Variants in KHDRBS2 observed in about 807,000 individuals in gnomAD.
The protein encoded by KHDRBS2 is KH domain-containing, RNA-binding, signal transduction-associated protein 2.
KHDRBS2 carries 26 observed loss-of-function variants against 44.3 expected under a neutral mutation model. The observed-to-expected ratio is 0.59, with a 90% CI of 0.43 to 0.81. The LOEUF (loss-of-function observed/expected upper bound fraction) is 0.81. Among genes scored for constraint, KHDRBS2 ranks in the 40% least tolerant of loss-of-function variants. The probability of loss-of-function intolerance (pLI) is 0.00; values close to 1 mark genes in which losing one functional copy is unlikely to be tolerated. For synonymous variants in KHDRBS2, 194 were observed against 151.1 expected, an observed-to-expected ratio of 1.28 and a Z score of -2.08; for missense variants, 476 against 433.1, an observed-to-expected ratio of 1.10 and a Z score of -0.88.
In KHDRBS2 at chr6:62,260,452, T is replaced by C. The variant is rs140750778; in HGVS notation, c.91+25406A>G. On this transcript the variant is annotated intron_variant, in intron 1 of 8. Transcript: ENST00000281156. ...TGTGTTTAGACTAAATGGAACACAG[T>C]GGCAGCCACCCATGGATTTAACAAT... Among the ~76,000 whole-genome samples, 832 of 152,090 alleles carry C rather than the reference T, an allele frequency of 5.5e-3. 3 individuals carry two copies. The highest frequency in any genetic ancestry group is 8.1e-3 in the Non-Finnish European group (552 of 67,938).
At chr6:61,900,016 A>G (rs958802940) in intron 5 of KHDRBS2, among the ~76,000 whole-genome samples, 1 of 151,984 alleles carries the variant, frequency 6.6e-6, no homozygotes, top group African/African-American at 2.4e-5. Flanking sequence ...AATTCTTAGC[A>G]TAAACAAATG....
At chr6:62,158,631 C>T (rs1473022148) in intron 2 of KHDRBS2, among the ~76,000 whole-genome samples, 1 of 152,072 alleles carries the variant, frequency 6.6e-6, no homozygotes, top group African/African-American at 2.4e-5. Context: ...AGAGGCCAGA[C>T]ATAAAAATTA....
At chr6:62,240,534 A>T (rs1834425944) in intron 1 of KHDRBS2, among the ~76,000 whole-genome samples, 1 of 151,056 alleles carries the variant, frequency 6.6e-6, no homozygotes, top group Admixed American at 6.6e-5. Flanking sequence ...ACACACAATT[A>T]GATATATAAT....
At chr6:62,244,501 G>A (rs1460378337) in intron 1 of KHDRBS2, among the ~76,000 whole-genome samples, 1 of 152,104 alleles carries the variant, frequency 6.6e-6, no homozygotes, top group Non-Finnish European at 1.5e-5. Context: ...GAAAGCACAT[G>A]GCTATTGTCA....
At chr6:61,992,894 A>AC (rs1189588741) in intron 3 of KHDRBS2, among the ~76,000 whole-genome samples, 1 of 152,108 alleles carries the variant, frequency 6.6e-6, no homozygotes, top group African/African-American at 2.4e-5. Context: ...TGAATGCTCT[A>AC]CCAATACTGG....
chr6:61,911,118 A>G (rs1805972886), intron 4 of KHDRBS2, among the ~76,000 whole-genome samples: 1 of 152,214 alleles, frequency 6.6e-6, no homozygotes, highest in African/African-American at 2.4e-5. Flanking sequence ...CATTCTATGC[A>G]TAAAAGAGGT....
At chr6:62,146,941 C>A (rs1814066072) in intron 2 of KHDRBS2, among the ~76,000 whole-genome samples, 1 of 151,906 alleles carries the variant, frequency 6.6e-6, no homozygotes. Context: ...TGGATATGAG[C>A]AGCTCCCACT....
intron 2 of KHDRBS2, among the ~76,000 whole-genome samples, chr6:62,106,281 G>C (rs1234053339): frequency 1.3e-5 from 2 of 152,140 alleles, no homozygotes; most frequent in East Asian, 3.9e-4. Flanking sequence ...GAGTTCTGTA[G>C]ATGTCTATTA....
chr6:62,261,233 AATTTCTTCAT>A (rs1470062996), intron 1 of KHDRBS2, among the ~76,000 whole-genome samples: 3 of 151,866 alleles, frequency 2.0e-5, no homozygotes, highest in Non-Finnish European at 2.9e-5. Context: ...TTAGGGCATA[AATTTCTTCAT>A]GATTTTGTCC....
intron 6 of KHDRBS2, among the ~76,000 whole-genome samples, chr6:61,796,816 C>A (rs1165065317): frequency 1.3e-5 from 2 of 152,032 alleles, no homozygotes; most frequent in African/African-American, 4.8e-5. Context: ...TATGCCACAG[C>A]AATGGTTCAT....
rs559025049 is a variant in KHDRBS2, at chr6:61,766,722, C to T, written c.811-33958G>A. On this transcript the variant is annotated intron_variant, in intron 6 of 8. Coordinates refer to ENST00000281156, the MANE Select transcript of KHDRBS2 (RefSeq NM_152688.4). ...CTTCCTAATTTCTTCATTGAACCAC[C>T]GGTCATTTAGAAGTATATTGTTTAA... is the stretch of plus-strand genomic sequence containing the variant. Among the ~76,000 whole-genome samples, 344 of 151,998 alleles carry T rather than the reference C, an allele frequency of 2.3e-3. 2 individuals carry two copies. Among genetic ancestry groups the T allele is most frequent in the African/African-American group, 7.6e-3 (317 of 41,498 alleles).
chr6:62,015,886 G>A (rs1416267403), intron 3 of KHDRBS2, among the ~76,000 whole-genome samples: 1 of 152,166 alleles, frequency 6.6e-6, no homozygotes, highest in Non-Finnish European at 1.5e-5. Flanking sequence ...ATTGTTTGAA[G>A]ATTTTCCTTC....
At chr6:61,636,972 A>T in the KHDRBS2 span, among the ~76,000 whole-genome samples, 2 of 152,220 alleles carry the variant, frequency 1.3e-5, no homozygotes, top group African/African-American at 2.4e-5. Flanking sequence ...TGTTGAATAA[A>T]CATACAAGAA....
At chr6:62,272,876 A>C (rs1840305694) in intron 1 of KHDRBS2, among the ~76,000 whole-genome samples, 1 of 152,186 alleles carries the variant, frequency 6.6e-6, no homozygotes, top group Non-Finnish European at 1.5e-5. Context: ...GACAGGATGA[A>C]GAATGGAGAT....
At chr6:62,233,282 TG>T (rs111306780) in intron 1 of KHDRBS2, among the ~76,000 whole-genome samples, 5,357 of 152,204 alleles carry the variant, frequency 0.035, 313 homozygotes, top group African/African-American at 0.12. Context: ...ACACCATGAT[TG>T]TCTCAATGTT....
chr6:61,935,822 AC>A (rs1359209199), intron 4 of KHDRBS2, among the ~76,000 whole-genome samples: 5 of 152,146 alleles, frequency 3.3e-5, no homozygotes, highest in African/African-American at 1.2e-4. Context: ...GTTCTGCACC[AC>A]ATCTTTATTT....
intron 2 of KHDRBS2, among the ~76,000 whole-genome samples, chr6:62,149,059 AAAAG>A (rs566218539): frequency 3.9e-5 from 6 of 152,084 alleles, no homozygotes; most frequent in Non-Finnish European, 7.4e-5. Flanking sequence ...TTCCTTTGAA[AAAAG>A]AAAGGACCAC....
Position 62,281,734 on chromosome 6 carries a change from C to A in KHDRBS2, c.91+4124G>T, listed in dbSNP as rs184938519. ...TTTTGTTTTTTCATCTTAAAAGAAC[C>A]CTGCCTGGTAGGTATCACTTTTCCT... On this transcript the variant is annotated intron_variant, in intron 1 of 8. Transcript: ENST00000281156. 3.5e-3 allele frequency among the ~76,000 whole-genome samples: 526 copies of A among 151,966 alleles called. 5 individuals carry two copies. The highest frequency in any genetic ancestry group is 5.6e-3 in the Non-Finnish European group (378 of 67,990).
chr6:62,247,738 C>T (rs905227253), intron 1 of KHDRBS2, among the ~76,000 whole-genome samples: 5 of 151,934 alleles, frequency 3.3e-5, no homozygotes, highest in African/African-American at 1.2e-4. Context: ...AAGCCTTTTG[C>T]ACAATAACAA....
Sources: gnomAD v4.1 joint callset for allele counts (sites outside exome capture counted in the v4.1 genomes callset) on GRCh38, gnomAD v4.1.1 for gene constraint, MANE v1.5 for transcripts, NCBI Gene and HGNC (gene_info 2026-07-23, HGNC 2026-07-21) for gene names.